SMAD9: variants seen among roughly 807,000 people sequenced by gnomAD.
SMAD9 encodes the protein MAD homolog 9.
SMAD9 carries 36 observed loss-of-function variants against 46.1 expected under a neutral mutation model. The ratio of observed to expected loss-of-function variants is 0.78; its 90% CI spans 0.60 to 1.03. The LOEUF (loss-of-function observed/expected upper bound fraction) is 1.03. SMAD9 is among the 50% of genes least tolerant of loss of function. The probability of loss-of-function intolerance (pLI) is 0.00; values close to 1 mark genes in which losing one functional copy is unlikely to be tolerated. For missense variants in SMAD9, 572 were observed against 599.8 expected, an observed-to-expected ratio of 0.95 and a Z score of 0.48; for synonymous variants, 245 against 237.1, an observed-to-expected ratio of 1.03 and a Z score of -0.31.
chr13:36,905,495 CCTGTA>C (rs2058611401), intron 1 of SMAD9, among the ~76,000 whole-genome samples: 1 of 152,098 alleles, frequency 6.6e-6, no homozygotes, highest in Admixed American at 6.5e-5. Context: ...GTGGCTCACA[CCTGTA>C]ATCCCAGCAC....
chr13:36,915,658 T>C (rs1173523720), intron 1 of SMAD9, among the ~76,000 whole-genome samples: 4 of 152,184 alleles, frequency 2.6e-5, no homozygotes, highest in South Asian at 2.1e-4. Flanking sequence ...CAATTATTCT[T>C]TGGGTTAAAC....
chr13:36,887,214 CTTTTTTTTTTTTTTTT>C (rs34299786), intron 1 of SMAD9, among the ~76,000 whole-genome samples: 6 of 65,564 alleles, frequency 9.2e-5, no homozygotes, highest in African/African-American at 3.6e-4. Flanking sequence ...CTGACTAGAT[CTTTTTTTTTTTTTTTT>C]TTTTTTTTTT....
chr13:36,910,158 C>T (rs895530027), intron 1 of SMAD9, among the ~76,000 whole-genome samples: 3 of 151,130 alleles, frequency 2.0e-5, no homozygotes, highest in Non-Finnish European at 4.4e-5. Flanking sequence ...GATCGCGCCA[C>T]TGTACTCCGG....
intron 1 of SMAD9, among the ~76,000 whole-genome samples, chr13:36,912,311 G>A (rs1315319868): frequency 6.6e-6 from 1 of 152,108 alleles, no homozygotes; most frequent in African/African-American, 2.4e-5. Context: ...TGGGATCGTT[G>A]AAAACCCAAC....
chr13:36,902,644 G>C (rs2058586259), intron 1 of SMAD9, among the ~76,000 whole-genome samples: 1 of 151,978 alleles, frequency 6.6e-6, no homozygotes, highest in African/African-American at 2.4e-5. Flanking sequence ...TTTTAGTAGA[G>C]ACTGGGTTTC....
At chr13:36,909,956 G>C (rs554410304) in intron 1 of SMAD9, among the ~76,000 whole-genome samples, 1 of 152,164 alleles carries the variant, frequency 6.6e-6, no homozygotes, top group Non-Finnish European at 1.5e-5. Flanking sequence ...CCAGCATTTT[G>C]GGAGGCCGAG....
At chr13:36,909,880 G>A (rs766758943) in intron 1 of SMAD9, among the ~76,000 whole-genome samples, 2 of 152,148 alleles carry the variant, frequency 1.3e-5, no homozygotes, top group Non-Finnish European at 2.9e-5. Context: ...GCTTCACTGT[G>A]GGAGTTAAGA....
At chr13:36,878,158 C>CAT (rs1211586091) in intron 2 of SMAD9, among the ~76,000 whole-genome samples, 1 of 150,604 alleles carries the variant, frequency 6.6e-6, no homozygotes, top group Admixed American at 6.6e-5. Context: ...TTCTTACACA[C>CAT]ATATATATAA....
At chr13:36,915,899 T>C (rs1025492374) in intron 1 of SMAD9, among the ~76,000 whole-genome samples, 1 of 149,558 alleles carries the variant, frequency 6.7e-6, no homozygotes, top group African/African-American at 2.4e-5. Flanking sequence ...ACGGTACAAC[T>C]GAATATATTA....
intron 1 of SMAD9, among the ~76,000 whole-genome samples, chr13:36,893,655 G>A (rs2058506546): frequency 6.6e-6 from 1 of 151,534 alleles, no homozygotes; most frequent in South Asian, 2.1e-4. Flanking sequence ...AACATTTAGT[G>A]AAAAACAGCA....
chr13:36,919,788 A>G (rs905131228), intron 1 of SMAD9, among the ~76,000 whole-genome samples: 2 of 148,780 alleles, frequency 1.3e-5, no homozygotes, highest in Non-Finnish European at 3.0e-5. Flanking sequence ...CGCCGCGGCC[A>G]ACTCCCCAGA....
rs781514663 is a variant in SMAD9, at chr13:36,865,677, G to A, written c.863C>T (p.Thr288Ile). 1.2e-6 allele frequency: 2 copies of A among 1,614,148 alleles called. No individual in the cohort carries two copies. Among genetic ancestry groups the A allele is most frequent in the East Asian group, 2.2e-5 (1 of 44,880 alleles). ...CACACTTCGGGAGGAAGCCTGGAAT[G>A]TCTCCCCAACTCGGTTGTTCAGTTC... ...YYELNNRVGETFQASSRSVLI... is the reference protein window; with the variant it reads ...YYELNNRVGEIFQASSRSVLI... The change falls in exon 5 of 7, where the codon ACA becomes ATA. Residue 288 changes from threonine to isoleucine, a missense_variant. By Grantham distance (89) the Thr-to-Ile change is moderately conservative. Transcript: ENST00000379826.
rs187649844 is a variant in SMAD9 at position 36,910,566 on chromosome 13, C to T, written c.-187+9550G>A. 1.8e-3 allele frequency among the ~76,000 whole-genome samples: 268 copies of T among 152,284 alleles called. 2 individuals carry two copies. The highest frequency in any genetic ancestry group is 5.8e-3 in the African/African-American group (242 of 41,558). On this transcript the variant is annotated intron_variant, in intron 1 of 6. Coordinates refer to ENST00000379826, the MANE Select transcript of SMAD9 (RefSeq NM_001127217.3). ...AACATCAATTTCAAATAAGGCTGTTCGCAATCTGGCCTCCCCAGACTACAT... is the reference window on the plus strand; with the variant it reads ...AACATCAATTTCAAATAAGGCTGTTTGCAATCTGGCCTCCCCAGACTACAT...
intron 2 of SMAD9, among the ~76,000 whole-genome samples, chr13:36,875,994 G>A (rs952290108): frequency 3.3e-5 from 5 of 152,236 alleles, no homozygotes; most frequent in African/African-American, 1.2e-4. Flanking sequence ...GACTGGCTCC[G>A]TTGCCTTAAA....
intron 1 of SMAD9, among the ~76,000 whole-genome samples, chr13:36,888,385 A>T (rs944935191): frequency 6.6e-6 from 1 of 152,036 alleles, no homozygotes; most frequent in African/African-American, 2.4e-5. Context: ...TTCTGCGATG[A>T]TTGTAAATTT....
chr13:36,913,498 C>T (rs2058676627), intron 1 of SMAD9, among the ~76,000 whole-genome samples: 1 of 152,212 alleles, frequency 6.6e-6, no homozygotes, highest in Admixed American at 6.5e-5. Flanking sequence ...CACTTTAAAA[C>T]CCCAAGATAT....
intron 1 of SMAD9, among the ~76,000 whole-genome samples, chr13:36,886,469 A>C (rs917140044): frequency 3.3e-5 from 5 of 152,250 alleles, no homozygotes; most frequent in Non-Finnish European, 7.3e-5. Context: ...GGCATGAAGC[A>C]CAACAGAGAG....
At chr13:36,910,169 C>T (rs1475821375) in intron 1 of SMAD9, among the ~76,000 whole-genome samples, 3 of 150,028 alleles carry the variant, frequency 2.0e-5, no homozygotes, top group African/African-American at 7.4e-5. Context: ...TGTACTCCGG[C>T]GTGGGGGACA....
rs2058037721 is a variant in SMAD9, at chr13:36,846,262, C to G, written c.*2414G>C. 1 of 151,736 alleles carries G rather than the reference C, an allele frequency of 6.6e-6. No homozygotes were observed. Among genetic ancestry groups the G allele is most frequent in the Non-Finnish European group, 1.5e-5 (1 of 68,012 alleles). 9.4% of individuals were successfully genotyped at this position (151,736 alleles called of 1,614,324 possible). A position where few individuals can be genotyped will look rare whatever the true frequency, so the allele number is the denominator to read the frequency against. Reference sequence around the variant, plus strand: ...CTTTGGGAGGCTGAGGCGGGCGGATCACAAGGTCAAGAGATAGAGACCATT... The same window carrying G: ...CTTTGGGAGGCTGAGGCGGGCGGATGACAAGGTCAAGAGATAGAGACCATT... On this transcript the variant is annotated 3_prime_UTR_variant, in exon 7 of 7. Coordinates refer to ENST00000379826, the MANE Select transcript of SMAD9 (RefSeq NM_001127217.3).
Sources: allele counts gnomAD v4.1 joint callset (sites outside exome capture counted in the v4.1 genomes callset), GRCh38; gene constraint gnomAD v4.1.1; transcripts MANE v1.5; gene names NCBI Gene and HGNC (gene_info 2026-07-23, HGNC 2026-07-21).